Variants in ERN1 observed in about 807,000 individuals in gnomAD.
ERN1 encodes the protein serine/threonine-protein kinase/endoribonuclease IRE1.
ERN1 carries 39 observed loss-of-function variants against 113.1 expected under a neutral mutation model. The observed-to-expected ratio is 0.34, with a 90% confidence interval of 0.27 to 0.45. ERN1 has a LOEUF of 0.45. ERN1 is among the 20% of genes least tolerant of loss of function. The probability of loss-of-function intolerance (pLI) is 1.00; values close to 1 mark genes in which losing one functional copy is unlikely to be tolerated. For synonymous variants in ERN1, 507 were observed against 515.9 expected (o/e 0.98, Z 0.23); for missense variants, 976 against 1,274.8 (o/e 0.77, Z 3.57).
chr17:64,051,932 G>A (rs558650360), intron 17 of ERN1, among the ~76,000 whole-genome samples: 2 of 152,352 alleles, frequency 1.3e-5, no homozygotes, highest in Admixed American at 6.5e-5. Flanking sequence ...TAGGAGACAC[G>A]TGCTGAGGTC....
intron 10 of ERN1, 96 bp from the exon 11 acceptor site, chr17:64,060,683 G>A (rs1180603702): frequency 1.2e-6 from 1 of 811,104 alleles, no homozygotes; most frequent in Non-Finnish European, 2.1e-6. Flanking sequence ...CCACTGAGGG[G>A]TCCACAATGC....
intron 11 of ERN1, among the ~76,000 whole-genome samples, chr17:64,059,420 C>T (rs1306261140): frequency 6.6e-6 from 1 of 152,204 alleles, no homozygotes; most frequent in Non-Finnish European, 1.5e-5. Flanking sequence ...CATGGCAGGG[C>T]TGCTGAAGCT....
chr17:64,061,634 C>T (rs1380523028), intron 10 of ERN1, among the ~76,000 whole-genome samples: 1 of 152,254 alleles, frequency 6.6e-6, no homozygotes, highest in Non-Finnish European at 1.5e-5. Flanking sequence ...CCACTAGTTT[C>T]TCTTGTGTAC....
At position 64,090,089 on chromosome 17, in the gene ERN1, T is replaced by C. The variant is rs1464013999; in HGVS notation, c.175+8032A>G. On this transcript the variant is annotated intron_variant, in intron 2 of 21. Transcript: ENST00000433197. ...AAAAGCACTTCATTAACCTAAGCCA[T>C]AAACTCCCATTAAAGCTGTTAGGTC... is the stretch of plus-strand genomic sequence containing the variant. 3.3e-5 allele frequency among the ~76,000 whole-genome samples: 5 copies of C among 152,312 alleles called. No individual in the cohort carries two copies. In the East Asian group the frequency reaches 9.6e-4, roughly 29 times the overall value.
intron 1 of ERN1, among the ~76,000 whole-genome samples, chr17:64,107,569 G>A (rs370383896): frequency 1.3e-5 from 2 of 152,044 alleles, no homozygotes; most frequent in East Asian, 1.9e-4. Context: ...CAATCTTCCC[G>A]CCTCACCTCT....
chr17:64,075,369 TGA>T, intron 4 of ERN1, 122 bp from the exon 5 acceptor site: 1 of 817,924 alleles, frequency 1.2e-6, no homozygotes, highest in East Asian at 3.0e-5. Context: ...ACTTTGCAGA[TGA>T]GAGTTTTCCT....
intron 19 of ERN1, among the ~76,000 whole-genome samples, chr17:64,045,703 G>A (rs575636311): frequency 6.6e-6 from 1 of 152,232 alleles, no homozygotes; most frequent in South Asian, 2.1e-4. Context: ...TGTCAGAGAG[G>A]TGTCACAGAG....
intron 2 of ERN1, among the ~76,000 whole-genome samples, chr17:64,092,208 T>C (rs563809456): frequency 6.6e-6 from 1 of 152,056 alleles, no homozygotes; most frequent in African/African-American, 2.4e-5. Context: ...GTTTGCAGGG[T>C]CCTTCCCAGT....
At chr17:64,113,465 TG>T (rs963905169) in intron 1 of ERN1, among the ~76,000 whole-genome samples, 4 of 152,098 alleles carry the variant, frequency 2.6e-5, no homozygotes, top group African/African-American at 9.7e-5. Context: ...CAAATCTCCC[TG>T]GTATCTAACA....
chr17:64,129,931 G>A (rs1188708806), intron 1 of ERN1, 45 bp downstream of exon 1: 2 of 1,383,292 alleles, frequency 1.4e-6, no homozygotes, highest in Admixed American at 3.3e-5. Context: ...GCCCCGACCC[G>A]GCCGTCGCGA....
chr17:64,105,639 T>C (rs575769732), intron 1 of ERN1, among the ~76,000 whole-genome samples: 83 of 152,294 alleles, frequency 5.4e-4, no homozygotes, highest in African/African-American at 1.9e-3. Context: ...ACTGTTATAT[T>C]GCATAATCCC....
At chr17:64,067,012 A>T (rs113865633) in intron 7 of ERN1, 80 bp from the exon 8 acceptor site, 1 of 1,474,978 alleles carries the variant, frequency 6.8e-7, no homozygotes, top group Non-Finnish European at 9.4e-7. Context: ...GGCAGGCTCT[A>T]GTCACTCAGT....
At chr17:64,111,401 G>A (rs1181264959) in intron 1 of ERN1, among the ~76,000 whole-genome samples, 1 of 150,742 alleles carries the variant, frequency 6.6e-6, no homozygotes, top group Non-Finnish European at 1.5e-5. Flanking sequence ...TGTTGTCTAA[G>A]CTGGAGTGCA....
intron 6 of ERN1, among the ~76,000 whole-genome samples, chr17:64,071,230 G>A (rs1465318433): frequency 6.6e-6 from 1 of 152,170 alleles, no homozygotes; most frequent in Non-Finnish European, 1.5e-5. Flanking sequence ...TCCTGAGCAG[G>A]GTGCAGGCTG....
chr17:64,053,149 C>T, intron 16 of ERN1, 123 bp downstream of exon 16: 1 of 925,234 alleles, frequency 1.1e-6, no homozygotes, highest in Non-Finnish European at 1.6e-6. Context: ...CTCATCTTTG[C>T]TACTGGTGAT....
chr17:64,116,253 T>C (rs913312731), intron 1 of ERN1, among the ~76,000 whole-genome samples: 3 of 152,150 alleles, frequency 2.0e-5, no homozygotes, highest in Admixed American at 6.5e-5. Flanking sequence ...ACAAATCAGA[T>C]AAGTGATTGA....
Position 64,064,095 on chromosome 17 carries a change from A to G in ERN1, c.978T>C (p.Ile326=), listed in dbSNP as rs187826. The change falls in exon 10 of 22, where the codon ATT becomes ATC. Residue 326 remains isoleucine, a synonymous_variant. Coordinates refer to ENST00000433197, the MANE Select transcript of ERN1 (RefSeq NM_001433.5). ...LEGPQTDGVT[I]GDKGECVITP... is the part of the protein sequence containing the mutation. ...TGATCACACACTCCCCCTTGTCCCC[A>G]ATGGTGACGCCATCAGTCTGGGGCC... 1,600,331 of 1,612,290 alleles carry G rather than the reference A, an allele frequency of 0.99. 794,971 individuals carry two copies. Among genetic ancestry groups the G allele is most frequent in the East Asian group, 1 (44,846 of 44,848 alleles).
chr17:64,106,365 TGATTTCA>T (rs1479162246), intron 1 of ERN1, among the ~76,000 whole-genome samples: 3 of 152,236 alleles, frequency 2.0e-5, no homozygotes, highest in Non-Finnish European at 2.9e-5. Context: ...TGTAGAATAA[TGATTTCA>T]AGTGGATTAG....
At chr17:64,107,800 C>T (rs965086551) in intron 1 of ERN1, among the ~76,000 whole-genome samples, 7 of 152,194 alleles carry the variant, frequency 4.6e-5, no homozygotes, top group African/African-American at 2.4e-5. Context: ...TGAATTAAAA[C>T]ATCAGCCATA....
Sources: gnomAD v4.1 joint callset for allele counts (sites outside exome capture counted in the v4.1 genomes callset) on GRCh38, gnomAD v4.1.1 for gene constraint, MANE v1.5 for transcripts, NCBI Gene and HGNC (gene_info 2026-07-23, HGNC 2026-07-21) for gene names.